The following OPCML variants were observed in gnomAD, a reference collection of about 807,000 sequenced individuals.
OPCML encodes the protein opioid binding protein/cell adhesion molecule like.
Under a neutral mutation model 37.8 loss-of-function variants are expected in OPCML, and 13 were observed. That is an observed-to-expected ratio of 0.34 (90% CI 0.22 to 0.55). The LOEUF (loss-of-function observed/expected upper bound fraction) is 0.55. Among genes scored for constraint, OPCML ranks in the 20% least tolerant of loss-of-function variants. The pLI is 0.91. For synonymous variants in OPCML, 176 were observed against 168.8 expected, an observed-to-expected ratio of 1.04 and a Z score of -0.33; for missense variants, 341 against 435.6, an observed-to-expected ratio of 0.78 and a Z score of 1.93.
chr11:133,379,358 T>C (rs1944882885), intron 1 of OPCML, among the ~76,000 whole-genome samples: 1 of 152,214 alleles, frequency 6.6e-6, no homozygotes, highest in Non-Finnish European at 1.5e-5. Flanking sequence ...GCATTCATCC[T>C]CTCAGCTGAG....
chr11:132,756,100 C>T (rs982862779), intron 2 of OPCML, among the ~76,000 whole-genome samples: 1 of 152,196 alleles, frequency 6.6e-6, no homozygotes, highest in Non-Finnish European at 1.5e-5. Context: ...CTCATGACCT[C>T]CTGACCAGGG....
chr11:132,768,807 A>C (rs1247354506), intron 2 of OPCML, among the ~76,000 whole-genome samples: 2 of 152,134 alleles, frequency 1.3e-5, no homozygotes, highest in East Asian at 1.9e-4. Flanking sequence ...TCCCCAGGTG[A>C]AGTTCCTTAA....
At chr11:132,950,198 A>T (rs1306654718) in intron 1 of OPCML, among the ~76,000 whole-genome samples, 1 of 152,184 alleles carries the variant, frequency 6.6e-6, no homozygotes, top group Non-Finnish European at 1.5e-5. Context: ...AGTTTTGCAC[A>T]TCACTTTGAC....
chr11:133,352,522 T>C (rs141963455), intron 1 of OPCML, among the ~76,000 whole-genome samples: 1 of 152,360 alleles, frequency 6.6e-6, no homozygotes, highest in East Asian at 1.9e-4. Context: ...AATCTACGTA[T>C]GTATTTTGCA....
intron 2 of OPCML, among the ~76,000 whole-genome samples, chr11:132,822,177 T>C (rs1940031772): frequency 6.6e-6 from 1 of 152,074 alleles, no homozygotes; most frequent in Admixed American, 6.6e-5. Flanking sequence ...ACAGCTGGTG[T>C]GCAGGGCCAC....
chr11:132,606,761 A>G (rs1938328573), intron 3 of OPCML, among the ~76,000 whole-genome samples: 1 of 152,218 alleles, frequency 6.6e-6, no homozygotes, highest in Admixed American at 6.5e-5. Context: ...AAGATACATT[A>G]AGAACTAGAA....
intron 1 of OPCML, among the ~76,000 whole-genome samples, chr11:133,457,374 A>C (rs1946694715): frequency 6.6e-6 from 1 of 152,054 alleles, no homozygotes; most frequent in Non-Finnish European, 1.5e-5. Context: ...TCTGCAAAAA[A>C]TAAAAAATTT....
intron 2 of OPCML, among the ~76,000 whole-genome samples, chr11:132,767,495 A>G (rs1946487380): frequency 6.6e-6 from 1 of 152,212 alleles, no homozygotes; most frequent in African/African-American, 2.4e-5. Context: ...TTTAGCCGAC[A>G]TACTGCATTA....
chr11:132,711,375 C>T (rs1307189429), intron 2 of OPCML, among the ~76,000 whole-genome samples: 1 of 152,186 alleles, frequency 6.6e-6, no homozygotes, highest in Non-Finnish European at 1.5e-5. Context: ...AGTTAAAGAA[C>T]AGATAGAACT....
chr11:133,050,166 T>C (rs1190503106), intron 1 of OPCML, among the ~76,000 whole-genome samples: 2 of 152,180 alleles, frequency 1.3e-5, no homozygotes, highest in African/African-American at 4.8e-5. Context: ...TTTTAGACAC[T>C]CAGCTTTAGC....
intron 1 of OPCML, among the ~76,000 whole-genome samples, chr11:133,345,851 A>G (rs1943989740): frequency 6.6e-6 from 1 of 152,142 alleles, no homozygotes; most frequent in African/African-American, 2.4e-5. Context: ...TCTGTCTGAT[A>G]CACTTCAATT....
intron 4 of OPCML, among the ~76,000 whole-genome samples, chr11:132,469,642 G>A (rs1565588804): frequency 7.1e-6 from 1 of 140,926 alleles, no homozygotes; most frequent in East Asian, 2.2e-4. Flanking sequence ...GTGTATGTGT[G>A]TGGGGGTGTA....
chr11:132,453,095 T>C (rs2096072774), intron 4 of OPCML, among the ~76,000 whole-genome samples: 1 of 152,196 alleles, frequency 6.6e-6, no homozygotes, highest in Admixed American at 6.5e-5. Context: ...ATGACTTCCT[T>C]GACTTTAGGG....
At chr11:132,780,162 A>T (rs1197082576) in intron 2 of OPCML, among the ~76,000 whole-genome samples, 1 of 152,216 alleles carries the variant, frequency 6.6e-6, no homozygotes, top group Non-Finnish European at 1.5e-5. Flanking sequence ...AGTCAACAAT[A>T]AAGGGTCATG....
intron 2 of OPCML, among the ~76,000 whole-genome samples, chr11:132,708,701 GT>G (rs1555177413): frequency 6.6e-6 from 1 of 152,176 alleles, no homozygotes; most frequent in Non-Finnish European, 1.5e-5. Flanking sequence ...AACACTGAAA[GT>G]TCATTAATTG....
chr11:132,437,074 G>T, intron 5 of OPCML, 148 bp downstream of exon 5: 1 of 1,357,214 alleles, frequency 7.4e-7, no homozygotes, highest in Non-Finnish European at 1.0e-6. Flanking sequence ...ATGGCACGGA[G>T]GCCATGGTGG....
At chr11:132,735,493 GT>G (rs911319593) in intron 2 of OPCML, among the ~76,000 whole-genome samples, 2 of 151,634 alleles carry the variant, frequency 1.3e-5, no homozygotes, top group Non-Finnish European at 1.5e-5. Context: ...TGTTGTTGTT[GT>G]TTTTTTTCTT....
chr11:132,901,803 T>C (rs1944073267), intron 2 of OPCML, among the ~76,000 whole-genome samples: 1 of 152,218 alleles, frequency 6.6e-6, no homozygotes, highest in Non-Finnish European at 1.5e-5. Flanking sequence ...TTTTCAGGCA[T>C]GCCAAGTAGA....
chr11:132,876,443 G>A (rs1943019515), intron 2 of OPCML, among the ~76,000 whole-genome samples: 1 of 152,090 alleles, frequency 6.6e-6, no homozygotes, highest in Admixed American at 6.5e-5. Flanking sequence ...ATTTCACCTT[G>A]CAAATAAATA....
Sources: gnomAD v4.1 joint callset for allele counts (sites outside exome capture counted in the v4.1 genomes callset) on GRCh38, gnomAD v4.1.1 for gene constraint, MANE v1.5 for transcripts, NCBI Gene and HGNC (gene_info 2026-07-23, HGNC 2026-07-21) for gene names.